Variants in RMDN2 observed in about 807,000 individuals in gnomAD.
RMDN2 encodes regulator of microtubule dynamics protein 2.
RMDN2 carries 61 observed loss-of-function variants against 52.8 expected under a neutral mutation model. That is an observed-to-expected ratio of 1.16 (90% CI 0.94 to 1.43). The LOEUF (loss-of-function observed/expected upper bound fraction) is 1.43. RMDN2 is among the 40% of genes most tolerant of loss of function. The pLI, the probability that RMDN2 is intolerant of heterozygous loss-of-function variation, is 0.00. For synonymous variants in RMDN2, 180 were observed against 153.1 expected (o/e 1.18, Z -1.30); for missense variants, 592 against 475.3 (o/e 1.25, Z -2.28).
At chr2:37,952,881 T>C (rs1360537595) in intron 2 of RMDN2, 1 of 151,992 alleles carries the variant, frequency 6.6e-6, no homozygotes, top group Admixed American at 6.6e-5. Flanking sequence ...TATATTAGTC[T>C]CCCAAAATTT....
intron 2 of RMDN2, among the ~76,000 whole-genome samples, chr2:37,967,137 A>C (rs1671158618): frequency 6.6e-6 from 1 of 152,214 alleles, no homozygotes; most frequent in Admixed American, 6.5e-5. Flanking sequence ...GCAAGAAAAA[A>C]ATGAATTTTG....
intron 2 of RMDN2, among the ~76,000 whole-genome samples, chr2:37,955,821 A>G (rs1342686705): frequency 6.6e-6 from 1 of 152,180 alleles, no homozygotes; most frequent in Non-Finnish European, 1.5e-5. Flanking sequence ...CTTTGTCAGC[A>G]GCATAAAAAC....
chr2:37,939,713 C>T (rs919891693), intron 2 of RMDN2, among the ~76,000 whole-genome samples: 9 of 152,088 alleles, frequency 5.9e-5, no homozygotes, highest in African/African-American at 2.2e-4. Context: ...ATTGCAAACC[C>T]TGCTTTTTTT....
chr2:37,955,336 T>C (rs1015675099), intron 2 of RMDN2, among the ~76,000 whole-genome samples: 2 of 152,166 alleles, frequency 1.3e-5, no homozygotes, highest in African/African-American at 4.8e-5. Flanking sequence ...ACTTTTCATA[T>C]ATGGCCTTTA....
At chr2:38,025,893 G>A (rs770347308) in intron 10 of RMDN2, among the ~76,000 whole-genome samples, 27 of 152,084 alleles carry the variant, frequency 1.8e-4, no homozygotes, top group Non-Finnish European at 3.7e-4. Context: ...TATTTACAAC[G>A]GATATTGGTT....
chr2:37,963,918 C>T (rs1172054461), intron 2 of RMDN2, among the ~76,000 whole-genome samples: 4 of 151,428 alleles, frequency 2.6e-5, no homozygotes, highest in Admixed American at 1.3e-4. Flanking sequence ...CCCCACCTCC[C>T]GGACGGGGCG....
chr2:37,995,663 T>C (rs1675441896), intron 7 of RMDN2, among the ~76,000 whole-genome samples: 1 of 152,202 alleles, frequency 6.6e-6, no homozygotes, highest in Non-Finnish European at 1.5e-5. Flanking sequence ...TATGAAGCCA[T>C]GTGGCTAACC....
At chr2:37,991,738 T>A (rs568016467) in intron 7 of RMDN2, among the ~76,000 whole-genome samples, 1 of 152,252 alleles carries the variant, frequency 6.6e-6, no homozygotes, top group East Asian at 1.9e-4. Context: ...CAGTAGTGTA[T>A]ACTGAGCACA....
At chr2:37,993,236 C>T (rs994525946) in intron 7 of RMDN2, among the ~76,000 whole-genome samples, 2 of 152,214 alleles carry the variant, frequency 1.3e-5, no homozygotes, top group East Asian at 1.9e-4. Context: ...AGGCAGTTTA[C>T]TTCTAAAATC....
intron 10 of RMDN2, chr2:38,036,072 T>G (rs1680558108): frequency 6.6e-6 from 1 of 151,610 alleles, no homozygotes; most frequent in Admixed American, 6.6e-5. Flanking sequence ...GCTGGGCACA[T>G]ACTCATGGGA....
chr2:38,047,452 GA>G (rs1344522693), intron 10 of RMDN2, among the ~76,000 whole-genome samples: 1 of 152,150 alleles, frequency 6.6e-6, no homozygotes, highest in Non-Finnish European at 1.5e-5. Flanking sequence ...ATGTACTACT[GA>G]TACATGCTAC....
intron 2 of RMDN2, chr2:37,950,286 C>T: frequency 1.8e-6 from 1 of 555,190 alleles, no homozygotes; most frequent in Non-Finnish European, 3.2e-6. Context: ...CAGCTGTTTT[C>T]CCACCCCTGG....
Position 38,017,736 on chromosome 2 carries a change from A to G in RMDN2, c.*497A>G. Reference sequence around the variant, plus strand: ...TAAAATTACAATAAAATACTGTTTTACCATCAAACTAGCTTTCACTCGTGT... The same window carrying G: ...TAAAATTACAATAAAATACTGTTTTGCCATCAAACTAGCTTTCACTCGTGT... On this transcript the variant is annotated 3_prime_UTR_variant, in exon 11 of 11. Coordinates refer to ENST00000354545, the MANE Select transcript of RMDN2 (RefSeq NM_001170791.3). The G allele has an allele frequency of 2.9e-6, 1 of 350,404 alleles. No homozygotes were observed. Among genetic ancestry groups the G allele is most frequent in the Non-Finnish European group, 5.3e-6 (1 of 187,700 alleles). The allele number at this position is 350,404 out of a possible 1,614,324, so 21.7% of individuals were successfully genotyped here.
chr2:38,010,084 A>C (rs1435242593), intron 10 of RMDN2, among the ~76,000 whole-genome samples: 1 of 152,152 alleles, frequency 6.6e-6, no homozygotes, highest in Non-Finnish European at 1.5e-5. Context: ...TTTGTCTCAG[A>C]GGAGTACCCG....
chr2:37,998,579 G>A lies in RMDN2; in HGVS notation c.1044+1065G>A, dbSNP rs531041373. Among the ~76,000 whole-genome samples the A allele has an allele frequency of 1.5e-4, 23 of 152,182 alleles. 1 individual carries two copies. In the South Asian group the frequency reaches 2.3e-3, roughly 15 times the overall value. ...ATGCTAATATTTGTGCTGTATTTCAGGGAGCAGTTTTGTAGAACTGAGAGG... is the reference window on the plus strand; with the variant it reads ...ATGCTAATATTTGTGCTGTATTTCAAGGAGCAGTTTTGTAGAACTGAGAGG... On this transcript the variant is annotated intron_variant, in intron 8 of 10. Coordinates refer to ENST00000354545, the MANE Select transcript of RMDN2 (RefSeq NM_001170791.3).
chr2:38,053,753 ATT>A (rs1235114161), intron 10 of RMDN2, among the ~76,000 whole-genome samples: 8 of 152,228 alleles, frequency 5.3e-5, no homozygotes, highest in Non-Finnish European at 1.2e-4. Flanking sequence ...CTGGCTGCAT[ATT>A]AGCATTTACT....
rs1263938645 is a variant in RMDN2, at chr2:37,974,085, C to A, written c.498C>A (p.Val166=). ...ACACAGAAGAACAGAGTTTTCCAGT[C>A]CCTAAGGCATTTAACACACGTGTAG... ...NTDTEEQSFP[V]PKAFNTRVEE... is the part of the protein sequence containing the mutation. The change falls in exon 3 of 11, where the codon GTC becomes GTA. Residue 166 remains valine, a synonymous_variant. Transcript: ENST00000354545. 1.9e-6 allele frequency: 3 copies of A among 1,612,406 alleles called. No individual in the cohort carries two copies. The highest frequency in any genetic ancestry group is 2.5e-6 in the Non-Finnish European group (3 of 1,179,150).
At chr2:37,934,972 C>T (rs889586733) in intron 2 of RMDN2, among the ~76,000 whole-genome samples, 1 of 152,072 alleles carries the variant, frequency 6.6e-6, no homozygotes, top group Non-Finnish European at 1.5e-5. Context: ...ATTCATTATT[C>T]TTTCATTTCA....
intron 2 of RMDN2, among the ~76,000 whole-genome samples, chr2:37,944,057 G>A (rs914657721): frequency 3.6e-4 from 55 of 152,052 alleles, no homozygotes; most frequent in Middle Eastern, 3.2e-3. Flanking sequence ...TACACATAGG[G>A]GAAAACAATT....
Sources: allele counts gnomAD v4.1 joint callset (sites outside exome capture counted in the v4.1 genomes callset), GRCh38; gene constraint gnomAD v4.1.1; transcripts MANE v1.5; gene names NCBI Gene and HGNC (gene_info 2026-07-23, HGNC 2026-07-21).